ENKUR: variants seen among roughly 807,000 people sequenced by gnomAD.
The protein encoded by ENKUR is enkurin, TRPC channel interacting protein, also known as enkurin.
ENKUR carries 19 observed loss-of-function variants against 27.6 expected under a neutral mutation model. The observed-to-expected ratio is 0.69, with a 90% CI of 0.48 to 1.01. The LOEUF is 1.01. Ranked by LOEUF, ENKUR falls within the 50% of genes least tolerant of loss-of-function variation. The pLI, the probability that ENKUR is intolerant of heterozygous loss-of-function variation, is 0.00. For missense variants in ENKUR, 312 were observed against 310.5 expected (o/e 1.00, Z -0.04); for synonymous variants, 117 against 96.9 (o/e 1.21, Z -1.22).
At chr10:24,996,185 C>T (rs541149381) in intron 2 of ENKUR, among the ~76,000 whole-genome samples, 7 of 152,298 alleles carry the variant, frequency 4.6e-5, no homozygotes, top group African/African-American at 1.7e-4. Flanking sequence ...CGGTGGCCCA[C>T]GGTGACGTGG....
intron 2 of ENKUR, chr10:25,025,214 CT>C: frequency 6.2e-7 from 1 of 1,614,208 alleles, no homozygotes; most frequent in Non-Finnish European, 8.5e-7. Context: ...ATTATCTCAT[CT>C]ACAGCCCATT....
chr10:24,995,765 C>A lies in ENKUR; in HGVS notation c.328G>T (p.Ala110Ser). 1 of 1,613,972 alleles carries A rather than the reference C, an allele frequency of 6.2e-7. No individual in the cohort carries two copies. The highest frequency in any genetic ancestry group is 8.5e-7 in the Non-Finnish European group (1 of 1,179,980). The change falls in exon 3 of 6, where the codon GCA (alanine) becomes TCA (serine). Residue 110 changes from alanine (A) to serine (S), a missense_variant. Coordinates refer to ENST00000331161, the MANE Select transcript of ENKUR (RefSeq NM_145010.4). ...GCCACTCCCATGATGATATCAGCTG[C>A]ATTTGTATTTATAAAATTTTTTCCA... ...QSGKNFINTN[A>S]ADIIMGVAKK...
chr10:24,989,887 C>G (rs1034740049), intron 4 of ENKUR, among the ~76,000 whole-genome samples: 1 of 151,974 alleles, frequency 6.6e-6, no homozygotes, highest in African/African-American at 2.4e-5. Context: ...ACTCTTACAC[C>G]CCCTAATATT....
intron 2 of ENKUR, 25 bp downstream of exon 2, chr10:24,999,376 A>G: frequency 6.3e-7 from 1 of 1,576,282 alleles, no homozygotes; most frequent in South Asian, 1.2e-5. Context: ...TTTTAATATT[A>G]AAAATAAAGC....
chr10:25,043,533 C>T (rs955244721), intron 2 of ENKUR, among the ~76,000 whole-genome samples: 3 of 152,042 alleles, frequency 2.0e-5, no homozygotes, highest in Middle Eastern at 3.4e-3. Context: ...TTTGTCTTTA[C>T]TTTTTAGAAG....
chr10:25,012,185 A>C (rs913418077), intron 1 of ENKUR, among the ~76,000 whole-genome samples: 2 of 152,236 alleles, frequency 1.3e-5, no homozygotes, highest in Admixed American at 6.5e-5. Flanking sequence ...TAGATTTCAA[A>C]GGTTGTATCA....
intron 1 of ENKUR, among the ~76,000 whole-genome samples, chr10:25,013,482 G>A (rs1044044143): frequency 1.1e-4 from 17 of 152,250 alleles, no homozygotes; most frequent in Non-Finnish European, 4.4e-5. Context: ...GGACATGACT[G>A]TCAAAATGCT....
In ENKUR at chr10:24,982,442, T is replaced by C. The variant is rs1196255994; in HGVS notation, c.*1928A>G. 6.6e-6 allele frequency: 1 copy of C among 152,196 alleles called. No homozygotes were observed. Among genetic ancestry groups the C allele is most frequent in the Non-Finnish European group, 1.5e-5 (1 of 68,048 alleles). 9.4% of individuals were successfully genotyped at this position (152,196 alleles called of 1,614,324 possible). ...AAGGGGCCAGACCACATCAAATCTT[T>C]ATTCTACCCATTCTTCCTTTGAACA... On this transcript the variant is annotated 3_prime_UTR_variant, in exon 6 of 6. Coordinates refer to ENST00000331161, the MANE Select transcript of ENKUR (RefSeq NM_145010.4).
At chr10:25,049,402 A>G (rs973252003) in intron 2 of ENKUR, among the ~76,000 whole-genome samples, 2 of 132,048 alleles carry the variant, frequency 1.5e-5, no homozygotes, top group Non-Finnish European at 3.2e-5. Flanking sequence ...AACTTATGGA[A>G]GGTAAAAAAA....
rs564022345 is a variant in ENKUR at position 25,061,070 on chromosome 10, G to T, written c.37+42C>A. The T allele has an allele frequency of 1.0e-4, 157 of 1,528,850 alleles. No individual in the cohort carries two copies. In the African/African-American group the frequency reaches 2.0e-3, roughly 20 times the overall value. 94.7% of individuals were successfully genotyped at this position (1,528,850 alleles called of 1,614,324 possible). On this transcript the variant is annotated intron_variant, in intron 2 of 5. Transcript: ENST00000615958. ...TCTAAGGCCCCCTATTAGGCTGGCT[G>T]CCCAGATGCAAAACCTGTGAACACA...
intron 2 of ENKUR, chr10:25,025,277 A>C: frequency 6.2e-7 from 1 of 1,614,228 alleles, no homozygotes; most frequent in African/African-American, 1.3e-5. Flanking sequence ...AAAGAAATCA[A>C]TGAGACTTCA....
intron 2 of ENKUR, among the ~76,000 whole-genome samples, chr10:25,031,659 T>C (rs916334785): frequency 6.6e-6 from 1 of 152,210 alleles, no homozygotes; most frequent in African/African-American, 2.4e-5. Flanking sequence ...TTATCCTTTC[T>C]GGGAGGGATT....
At chr10:25,010,953 T>C (rs1308090257) in intron 1 of ENKUR, among the ~76,000 whole-genome samples, 18 of 151,746 alleles carry the variant, frequency 1.2e-4, no homozygotes, top group African/African-American at 1.7e-4. Flanking sequence ...CCTTTGGGTA[T>C]ATACCCAGTA....
chr10:25,024,097 G>A, intron 2 of ENKUR: 2 of 1,614,210 alleles, frequency 1.2e-6, no homozygotes, highest in African/African-American at 1.3e-5. Flanking sequence ...CGTAGAAAGA[G>A]CACAGATACT....
chr10:25,051,389 A>C (rs1201958901), intron 2 of ENKUR, among the ~76,000 whole-genome samples: 1 of 152,132 alleles, frequency 6.6e-6, no homozygotes, highest in East Asian at 1.9e-4. Flanking sequence ...AGACTGGGTA[A>C]TTTATAAGAA....
At chr10:25,053,837 C>G (rs1851215873) in intron 2 of ENKUR, among the ~76,000 whole-genome samples, 1 of 152,032 alleles carries the variant, frequency 6.6e-6, no homozygotes. Context: ...CATGAAAAGG[C>G]ATAAAAATAT....
chr10:25,046,446 C>T (rs540766499), intron 2 of ENKUR, among the ~76,000 whole-genome samples: 34 of 152,262 alleles, frequency 2.2e-4, no homozygotes, highest in Non-Finnish European at 3.8e-4. Flanking sequence ...CTGATAATCT[C>T]TACAATACCC....
intron 2 of ENKUR, among the ~76,000 whole-genome samples, chr10:25,034,109 AT>A (rs1234359024): frequency 1.2e-4 from 18 of 152,200 alleles, no homozygotes; most frequent in Non-Finnish European, 7.4e-5. Context: ...GCAAAAAAAA[AT>A]GAAAGCATTC....
intron 2 of ENKUR, among the ~76,000 whole-genome samples, chr10:25,033,823 G>GTCTC (rs1554773524): frequency 1.6e-5 from 2 of 125,738 alleles, no homozygotes; most frequent in Non-Finnish European, 3.3e-5. Context: ...GTGTGTGTGT[G>GTCTC]TGTCTATCTA....
Sources: allele counts gnomAD v4.1 joint callset (sites outside exome capture counted in the v4.1 genomes callset), GRCh38; gene constraint gnomAD v4.1.1; transcripts MANE v1.5; gene names NCBI Gene and HGNC (gene_info 2026-07-23, HGNC 2026-07-21).